Variants in SOX5 observed in about 807,000 individuals in gnomAD.
The protein encoded by SOX5 is SRY-box transcription factor 5.
A neutral mutation model predicts 92.0 loss-of-function variants in SOX5; 9 were observed. The observed-to-expected ratio is 0.10, with a 90% CI of 0.06 to 0.17. The LOEUF is 0.17. Among genes scored for constraint, SOX5 ranks in the 10% least tolerant of loss-of-function variants. The pLI is 1.00. For missense variants in SOX5, 642 were observed against 944.5 expected (o/e 0.68, Z 4.20); for synonymous variants, 344 against 336.3 (o/e 1.02, Z -0.25).
In SOX5 at chr12:24,164,229, C is replaced by T. The variant is rs189499685; in HGVS notation, c.-2+49114G>A. 5.5e-3 allele frequency among the ~76,000 whole-genome samples: 829 copies of T among 151,970 alleles called. 4 individuals carry two copies. Among genetic ancestry groups the T allele is most frequent in the African/African-American group, 0.019 (797 of 41,480 alleles). ...CTGTTATGAGACAGAAGTAAAATAC[C>T]CATCAGTAGAACTGTAGCTGATGTT... On this transcript the variant is annotated intron_variant, in intron 4 of 4. Coordinates refer to the SOX5 transcript ENST00000446891.
chr12:23,630,070 T>C (rs2138381296), intron 8 of SOX5, among the ~76,000 whole-genome samples: 1 of 152,072 alleles, frequency 6.6e-6, no homozygotes, highest in South Asian at 2.1e-4. Context: ...AAATAAGCTT[T>C]GAATGGCTAT....
At chr12:23,694,046 G>A (rs561314576) in intron 6 of SOX5, among the ~76,000 whole-genome samples, 10 of 152,228 alleles carry the variant, frequency 6.6e-5, no homozygotes, top group Non-Finnish European at 1.5e-4. Flanking sequence ...ACTGAGGTAT[G>A]CAATTTTAGG....
chr12:24,276,044 G>A (rs1944395259), intron 3 of SOX5, among the ~76,000 whole-genome samples: 1 of 151,804 alleles, frequency 6.6e-6, no homozygotes, highest in Admixed American at 6.6e-5. Context: ...TACATTTAAT[G>A]TTTGCCATAT....
intron 3 of SOX5, among the ~76,000 whole-genome samples, chr12:24,271,218 G>A (rs1054200408): frequency 1.3e-5 from 2 of 152,148 alleles, no homozygotes; most frequent in African/African-American, 2.4e-5. Flanking sequence ...TCTGAGGCAT[G>A]TGTAGTGGAA....
At chr12:24,304,620 C>T (rs1334171028) in intron 2 of SOX5, among the ~76,000 whole-genome samples, 1 of 152,126 alleles carries the variant, frequency 6.6e-6, no homozygotes, top group Non-Finnish European at 1.5e-5. Flanking sequence ...ATGTTCTCTA[C>T]TCGCTTCGTA....
intron 4 of SOX5, among the ~76,000 whole-genome samples, chr12:24,039,758 GA>G (rs1343429459): frequency 6.6e-6 from 1 of 151,898 alleles, no homozygotes; most frequent in Non-Finnish European, 1.5e-5. Flanking sequence ...TTCTTTAAAT[GA>G]AAAAAGTACC....
At chr12:23,572,741 T>G (rs1432700860) in intron 10 of SOX5, among the ~76,000 whole-genome samples, 1 of 152,208 alleles carries the variant, frequency 6.6e-6, no homozygotes, top group African/African-American at 2.4e-5. Context: ...ATTTTTTCTT[T>G]TACATAGTAC....
intron 3 of SOX5, among the ~76,000 whole-genome samples, chr12:23,832,111 A>G (rs1312562302): frequency 6.6e-6 from 1 of 152,038 alleles, no homozygotes; most frequent in Non-Finnish European, 1.5e-5. Flanking sequence ...GTGGGCTTCA[A>G]TTATATTTGT....
At chr12:24,192,603 G>C (rs1362182873) in intron 4 of SOX5, among the ~76,000 whole-genome samples, 1 of 152,108 alleles carries the variant, frequency 6.6e-6, no homozygotes, top group African/African-American at 2.4e-5. Context: ...CCAAAATATT[G>C]CTTTTCAAAA....
intron 4 of SOX5, among the ~76,000 whole-genome samples, chr12:23,986,575 C>A (rs557461350): frequency 6.6e-6 from 1 of 152,164 alleles, no homozygotes; most frequent in Admixed American, 6.5e-5. Flanking sequence ...ATTTATCAGT[C>A]CATAGAGAAG....
intron 6 of SOX5, among the ~76,000 whole-genome samples, chr12:23,695,833 C>T (rs1183979658): frequency 3.3e-5 from 5 of 149,982 alleles, no homozygotes; most frequent in Admixed American, 2.0e-4. Flanking sequence ...TCCAGCTACT[C>T]GAGAGGCTGA....
Position 24,465,591 on chromosome 12 carries a change from A to G in SOX5, c.-251+96738T>C, listed in dbSNP as rs570342499. On this transcript the variant is annotated intron_variant, in intron 1 of 4. Transcript: ENST00000446891. ...GAGAAAGTCACAAAGCAGGTAACGG[A>G]CACATATGAGACCTGGATACAGGCA... Among the ~76,000 whole-genome samples, 4 of 152,350 alleles carry G rather than the reference A, an allele frequency of 2.6e-5. No individual in the cohort carries two copies. In the East Asian group the frequency reaches 7.7e-4, roughly 29 times the overall value.
chr12:23,532,794 C>T lies in SOX5; in HGVS notation c.*1425G>A, dbSNP rs1327933704. Reference sequence around the variant, plus strand: ...AGGGGTGAAAAATACCTTATAAAATCATCAGTTTCATTTCCTGATCGGGAA... The same window carrying T: ...AGGGGTGAAAAATACCTTATAAAATTATCAGTTTCATTTCCTGATCGGGAA... On this transcript the variant is annotated 3_prime_UTR_variant, in exon 15 of 15. Coordinates refer to ENST00000451604, the MANE Select transcript of SOX5 (RefSeq NM_006940.6). The T allele has an allele frequency of 1.2e-5, 2 of 160,280 alleles. No homozygotes were observed. The allele number at this position is 160,280 out of a possible 1,614,324, so 9.9% of individuals were successfully genotyped here. A position where few individuals can be genotyped will look rare whatever the true frequency, so the allele number is the denominator to read the frequency against.
chr12:23,689,283 T>C (rs73073860), intron 6 of SOX5, among the ~76,000 whole-genome samples: 2 of 151,172 alleles, frequency 1.3e-5, no homozygotes, highest in Non-Finnish European at 2.9e-5. Flanking sequence ...TTAATTAGAT[T>C]TTTTTGTTGT....
At chr12:24,458,846 C>T (rs1035017370) in intron 1 of SOX5, among the ~76,000 whole-genome samples, 12 of 152,142 alleles carry the variant, frequency 7.9e-5, no homozygotes, top group African/African-American at 2.9e-4. Context: ...ATGACTTTCA[C>T]CTTATTAACT....
chr12:24,544,182 A>C (rs1693088324), intron 1 of SOX5, among the ~76,000 whole-genome samples: 1 of 152,214 alleles, frequency 6.6e-6, no homozygotes, highest in South Asian at 2.1e-4. Flanking sequence ...AAAAGATTTT[A>C]ATAAGGAAGC....
intron 1 of SOX5, among the ~76,000 whole-genome samples, chr12:23,904,744 CAT>C (rs1331482245): frequency 2.3e-5 from 3 of 128,502 alleles, no homozygotes; most frequent in African/African-American, 7.8e-5. Flanking sequence ...TACCTTGCCA[CAT>C]GTTTAGTTTC....
At chr12:24,394,723 T>C (rs1489376050) in intron 1 of SOX5, among the ~76,000 whole-genome samples, 9 of 152,210 alleles carry the variant, frequency 5.9e-5, no homozygotes, top group Admixed American at 5.9e-4. Flanking sequence ...TTGATCAGTG[T>C]TCAATAAGTG....
At chr12:24,042,455 C>T (rs1463607614) in intron 4 of SOX5, among the ~76,000 whole-genome samples, 1 of 152,066 alleles carries the variant, frequency 6.6e-6, no homozygotes, top group African/African-American at 2.4e-5. Flanking sequence ...ACACTAACAA[C>T]ATTTTAAAAT....
Sources: gnomAD v4.1 joint callset for allele counts (sites outside exome capture counted in the v4.1 genomes callset) on GRCh38, gnomAD v4.1.1 for gene constraint, MANE v1.5 for transcripts, NCBI Gene and HGNC (gene_info 2026-07-23, HGNC 2026-07-21) for gene names.